The following SCRN3 variants were observed in gnomAD, a reference collection of about 807,000 sequenced individuals.
SCRN3 encodes the protein secernin-3.
A neutral mutation model predicts 43.1 loss-of-function variants in SCRN3; 39 were observed. The ratio of observed to expected loss-of-function variants is 0.91; its 90% CI spans 0.70 to 1.18. The LOEUF (loss-of-function observed/expected upper bound fraction) is 1.18, where lower values mean the gene tolerates loss of function less well. SCRN3 is among the 50% of genes most tolerant of loss of function. SCRN3 has a pLI of 0.00. For missense variants in SCRN3, 484 were observed against 498.0 expected, an observed-to-expected ratio of 0.97 and a Z score of 0.27; for synonymous variants, 147 against 163.1, an observed-to-expected ratio of 0.90 and a Z score of 0.75.
At chr2:174,415,657 T>G (rs1017903869) in intron 5 of SCRN3, among the ~76,000 whole-genome samples, 3 of 152,160 alleles carry the variant, frequency 2.0e-5, no homozygotes, top group Non-Finnish European at 4.4e-5. Flanking sequence ...TAAAAAAATT[T>G]TTTTTGAGAC....
intron 4 of SCRN3, among the ~76,000 whole-genome samples, chr2:174,402,450 G>A (rs1254836124): frequency 6.6e-6 from 1 of 152,220 alleles, no homozygotes; most frequent in Non-Finnish European, 1.5e-5. Context: ...CACTTTGAGA[G>A]GCTGAGGCAG....
chr2:174,412,962 G>A (rs62173584), intron 5 of SCRN3, among the ~76,000 whole-genome samples: 13,614 of 144,560 alleles, frequency 0.094, 969 homozygotes, highest in Admixed American at 0.24. Context: ...CTGCCTCCCC[G>A]GGTTCAAGCG....
chr2:174,400,841 G>A, intron 3 of SCRN3, 149 bp from the exon 4 acceptor site: 1 of 683,590 alleles, frequency 1.5e-6, no homozygotes, highest in Non-Finnish European at 2.4e-6. Flanking sequence ...ACTGACTTCA[G>A]AAGGAAAAGT....
In SCRN3 at chr2:174,428,110, A is replaced by C. The variant is rs1045070480; in HGVS notation, c.*215A>C. On this transcript the variant is annotated 3_prime_UTR_variant, in exon 8 of 8. Coordinates refer to ENST00000272732, the MANE Select transcript of SCRN3 (RefSeq NM_024583.5). ...TGGAATTGGATTCATGTATCGTGGG[A>C]TACAGGTGTTATTTCAGGTGATGTA... is the stretch of plus-strand genomic sequence containing the variant. 2.1e-5 allele frequency: 7 copies of C among 334,120 alleles called. No homozygotes were observed. The Admixed American group carries it at 2.9e-4, about 14-fold the overall frequency. The allele number at this position is 334,120 out of a possible 1,614,324, so 20.7% of individuals were successfully genotyped here. A position where few individuals can be genotyped will look rare whatever the true frequency, so the allele number is the denominator to read the frequency against.
intron 7 of SCRN3, among the ~76,000 whole-genome samples, chr2:174,426,553 A>C (rs968879558): frequency 1.4e-4 from 22 of 152,038 alleles, no homozygotes; most frequent in African/African-American, 5.3e-4. Flanking sequence ...GGGTAGATCA[A>C]CTTAGGTCAG....
intron 5 of SCRN3, among the ~76,000 whole-genome samples, chr2:174,412,373 C>A (rs1388718444): frequency 6.8e-6 from 1 of 147,506 alleles, no homozygotes; most frequent in East Asian, 2.0e-4. Context: ...TTTCTGCTTT[C>A]TTTCTGTCTT....
intron 5 of SCRN3, among the ~76,000 whole-genome samples, chr2:174,414,086 T>C (rs1309841408): frequency 5.3e-5 from 8 of 152,216 alleles, no homozygotes; most frequent in Admixed American, 2.0e-4. Context: ...AGAATGTTAC[T>C]TCATTTGTTA....
intron 7 of SCRN3, among the ~76,000 whole-genome samples, chr2:174,425,615 C>T (rs1686454746): frequency 6.6e-6 from 1 of 152,036 alleles, no homozygotes; most frequent in Non-Finnish European, 1.5e-5. Context: ...TTCACTTATG[C>T]TCAAAGCAAC....
intron 1 of SCRN3, chr2:174,396,243 G>A (rs1685303327): frequency 1.0e-6 from 1 of 980,746 alleles, no homozygotes; most frequent in Non-Finnish European, 1.2e-6. Context: ...TACTGGCGCC[G>A]AAAGACGTTC....
rs1017829814 is a variant in SCRN3 at position 174,404,244 on chromosome 2, T to C, written c.683T>C (p.Leu228Pro). ...GATTTTGCTGCAGCATATTCCTATC[T>C]TGACACAGCCAAGATGATGACTTCA... ...EFDFAAAYSY[L>P]DTAKMMTSSG... Residue 228 changes from leucine (L) to proline (P), a missense_variant, in exon 5 of 8, where the codon CTT (leucine) becomes CCT (proline). Leu to Pro is a moderately conservative substitution (Grantham distance 98, BLOSUM62 -3). Coordinates refer to ENST00000272732, the MANE Select transcript of SCRN3 (RefSeq NM_024583.5). 20 of 1,613,732 alleles carry C rather than the reference T, an allele frequency of 1.2e-5. No individual in the cohort carries two copies. In the African/African-American group the frequency reaches 2.4e-4, roughly 19 times the overall value.
At chr2:174,398,082 CAT>C (rs1224503537) in intron 1 of SCRN3, 191 bp from the exon 2 acceptor site, 3 of 297,808 alleles carry the variant, frequency 1.0e-5, no homozygotes, top group African/African-American at 7.0e-5. Context: ...AAGCCCTGAT[CAT>C]ACAACTGCAC....
chr2:174,422,879 C>T lies in SCRN3; in HGVS notation c.755-6C>T, dbSNP rs201412954. On this transcript the variant is annotated splice_polypyrimidine_tract_variant and splice_region_variant and intron_variant, in intron 5 of 7. Coordinates refer to ENST00000272732, the MANE Select transcript of SCRN3 (RefSeq NM_024583.5). ...TATTTGATGATTTTAAAAATTATTT[C>T]TCTAGGAAATATAACTTTTGAAACA... The T allele has an allele frequency of 3.2e-6, 5 of 1,585,250 alleles. No homozygotes were observed. Among genetic ancestry groups the T allele is most frequent in the Non-Finnish European group, 4.3e-6 (5 of 1,155,050 alleles).
intron 7 of SCRN3, among the ~76,000 whole-genome samples, chr2:174,425,485 T>C (rs1686449482): frequency 6.6e-6 from 1 of 152,174 alleles, no homozygotes; most frequent in Non-Finnish European, 1.5e-5. Context: ...TGTCAAGGCA[T>C]ATACATTTAC....
chr2:174,395,740 A>G lies in SCRN3; in HGVS notation c.-87A>G. ...GGGGGAACTTCCGAGATCAAAGGTG[A>G]CAGCTTCCGGCAACTGATGCCTCCA... On this transcript the variant is annotated 5_prime_UTR_variant, in exon 1 of 8. Coordinates refer to ENST00000272732, the MANE Select transcript of SCRN3 (RefSeq NM_024583.5). 6.2e-7 allele frequency: 1 copy of G among 1,601,572 alleles called. No homozygotes were observed. Among genetic ancestry groups the G allele is most frequent in the Non-Finnish European group, 8.5e-7 (1 of 1,172,900 alleles).
intron 4 of SCRN3, 96 bp from the exon 5 acceptor site, chr2:174,404,007 T>C (rs1685592442): frequency 2.2e-6 from 2 of 892,484 alleles, no homozygotes; most frequent in African/African-American, 3.4e-5. Flanking sequence ...TCTATATTTA[T>C]GTTTACATAG....
At chr2:174,397,650 A>G (rs1685368288) in intron 1 of SCRN3, among the ~76,000 whole-genome samples, 1 of 152,216 alleles carries the variant, frequency 6.6e-6, no homozygotes, top group South Asian at 2.1e-4. Flanking sequence ...AAGTTCCAGC[A>G]AAGAGAATAT....
intron 6 of SCRN3, 134 bp downstream of exon 6, chr2:174,423,181 G>T: frequency 1.6e-6 from 1 of 623,672 alleles, no homozygotes. Flanking sequence ...TTTCTGTTCA[G>T]GCTTTAATCT....
Position 174,429,018 on chromosome 2 carries a change from A to C in SCRN3, c.*1123A>C, listed in dbSNP as rs183204549. 17 of 152,316 alleles carry C rather than the reference A, an allele frequency of 1.1e-4. No homozygotes were observed. Among genetic ancestry groups the C allele is most frequent in the African/African-American group, 4.1e-4 (17 of 41,564 alleles). The allele number at this position is 152,316 out of a possible 1,614,324, so 9.4% of individuals were successfully genotyped here. On this transcript the variant is annotated 3_prime_UTR_variant, in exon 8 of 8. Coordinates refer to ENST00000272732, the MANE Select transcript of SCRN3 (RefSeq NM_024583.5). ...TCATTATATTCAAAGAGTGCTCAGG[A>C]AGTTATGTGTTCAAAGTTCTCTCAT... is the stretch of plus-strand genomic sequence containing the variant.
intron 1 of SCRN3, chr2:174,396,205 CCTGT>C (rs1685301699): frequency 2.3e-5 from 19 of 838,238 alleles, no homozygotes; most frequent in Non-Finnish European, 2.8e-5. Flanking sequence ...GAACGGAGGC[CCTGT>C]CTATTTTGTA....
Sources: allele counts gnomAD v4.1 joint callset (sites outside exome capture counted in the v4.1 genomes callset), GRCh38; gene constraint gnomAD v4.1.1; transcripts MANE v1.5; gene names NCBI Gene and HGNC (gene_info 2026-07-23, HGNC 2026-07-21).